TG: variants seen among roughly 807,000 people sequenced by gnomAD.
TG encodes the protein thyroid hormones.
In TG, 270 loss-of-function variants were observed where a neutral mutation model predicts 324.7. That is an observed-to-expected ratio of 0.83 (90% CI 0.75 to 0.92). The LOEUF (loss-of-function observed/expected upper bound fraction) is 0.92, where lower values mean the gene tolerates loss of function less well. TG is among the 40% of genes least tolerant of loss of function. The pLI, the probability that TG is intolerant of heterozygous loss-of-function variation, is 0.00. For missense variants in TG, 3,591 were observed against 3,456.4 expected (o/e 1.04, Z -0.98); for synonymous variants, 1,401 against 1,327.0 (o/e 1.06, Z -1.21).
chr8:133,004,292 T>C (rs1427381211), intron 35 of TG, among the ~76,000 whole-genome samples: 1 of 152,178 alleles, frequency 6.6e-6, no homozygotes, highest in Admixed American at 6.5e-5. Context: ...AGGTGCCTAC[T>C]AGCTGCTGGG....
intron 27 of TG, among the ~76,000 whole-genome samples, chr8:132,952,320 A>G (rs191400530): frequency 2.6e-5 from 4 of 152,302 alleles, no homozygotes; most frequent in Admixed American, 2.6e-4. Flanking sequence ...AATGCCTGGG[A>G]TTGAGCCTGG....
At chr8:133,055,183 G>A (rs1841146291) in intron 41 of TG, among the ~76,000 whole-genome samples, 2 of 152,150 alleles carry the variant, frequency 1.3e-5, no homozygotes, top group African/African-American at 4.8e-5. Flanking sequence ...GCAGACTCCA[G>A]GTAAGTTGTC....
In TG at chr8:133,133,558, A is replaced by G. The variant is rs1852109786; in HGVS notation, c.8086A>G (p.Asn2696Asp). ...PDFVPRAGGE[N>D]YKEFSELLPN... ...CTTTGTACCCCGTGCTGGTGGAGAG[A>G]ACTACAAGGAGTTCAGTGAGCTGCT... Residue 2696 changes from asparagine to aspartate, a missense_variant, in exon 47 of 48, where the codon AAC becomes GAC. Transcript: ENST00000220616. 1 of 1,614,162 alleles carries G rather than the reference A, an allele frequency of 6.2e-7. No homozygotes were observed. Among genetic ancestry groups the G allele is most frequent in the Middle Eastern group, 1.6e-4 (1 of 6,062 alleles).
chr8:133,134,827 A>G lies in TG; in HGVS notation c.*33A>G, dbSNP rs376416123. 6.4e-7 allele frequency: 1 copy of G among 1,568,206 alleles called. No individual in the cohort carries two copies. The highest frequency in any genetic ancestry group is 1.7e-4 in the Middle Eastern group (1 of 5,986). ...TTGAGCTCCCCAAAAACCTCACCCG[A>G]GGCTGCCCACTATGGTCATCTTTTT... is the stretch of plus-strand genomic sequence containing the variant. On this transcript the variant is annotated 3_prime_UTR_variant, in exon 48 of 48. Transcript: ENST00000220616.
At chr8:132,904,637 A>T (rs1277625199) in intron 16 of TG, among the ~76,000 whole-genome samples, 1 of 152,204 alleles carries the variant, frequency 6.6e-6, no homozygotes, top group Non-Finnish European at 1.5e-5. Flanking sequence ...TGCCCTGGCA[A>T]GAGAAGCGTC....
chr8:132,942,566 C>A (rs1445263507), intron 26 of TG, among the ~76,000 whole-genome samples: 1 of 152,152 alleles, frequency 6.6e-6, no homozygotes, highest in Non-Finnish European at 1.5e-5. Context: ...CTAGGCATTA[C>A]AAACAGATAA....
At chr8:132,939,758 C>A (rs1232598576) in intron 25 of TG, among the ~76,000 whole-genome samples, 2 of 151,898 alleles carry the variant, frequency 1.3e-5, no homozygotes, top group South Asian at 2.1e-4. Context: ...CTCACTGCAA[C>A]CTCTGCCTCC....
intron 47 of TG, 140 bp from the exon 48 acceptor site, chr8:133,134,536 G>A (rs1039722632): frequency 1.4e-5 from 11 of 785,538 alleles, no homozygotes; most frequent in Non-Finnish European, 2.2e-5. Flanking sequence ...TGGCACCTCA[G>A]CCAGTGGAAA....
chr8:132,883,481 G>C (rs2132134612), intron 8 of TG, among the ~76,000 whole-genome samples: 1 of 152,190 alleles, frequency 6.6e-6, no homozygotes, highest in East Asian at 1.9e-4. Flanking sequence ...TAGAAGGACA[G>C]AATAATAGGC....
chr8:132,959,030 G>A (rs1240568186), intron 27 of TG, among the ~76,000 whole-genome samples: 1 of 152,224 alleles, frequency 6.6e-6, no homozygotes, highest in Non-Finnish European at 1.5e-5. Context: ...GGCTATGACA[G>A]AATTTTGAGT....
intron 28 of TG, among the ~76,000 whole-genome samples, chr8:132,961,693 C>T (rs562796809): frequency 5.9e-5 from 9 of 152,088 alleles, no homozygotes; most frequent in African/African-American, 9.7e-5. Flanking sequence ...TGAAGGGTTC[C>T]GGCCTCAGGA....
chr8:132,976,680 C>T (rs1407243505), intron 34 of TG, among the ~76,000 whole-genome samples: 1 of 152,186 alleles, frequency 6.6e-6, no homozygotes, highest in Non-Finnish European at 1.5e-5. Flanking sequence ...TCCATGGCCC[C>T]TGAACAGAAA....
intron 23 of TG, among the ~76,000 whole-genome samples, chr8:132,929,437 TA>T: frequency 6.6e-6 from 1 of 152,320 alleles, no homozygotes; most frequent in South Asian, 2.1e-4. Flanking sequence ...TGAACAAAAT[TA>T]GTTTGGCATA....
intron 43 of TG, among the ~76,000 whole-genome samples, chr8:133,106,905 T>C (rs1849851807): frequency 6.6e-6 from 1 of 152,174 alleles, no homozygotes; most frequent in Non-Finnish European, 1.5e-5. Flanking sequence ...CCGAGCATAG[T>C]TGTTGAAGGG....
chr8:132,948,398 AAGC>A (rs1166187504), intron 26 of TG, among the ~76,000 whole-genome samples: 1 of 152,102 alleles, frequency 6.6e-6, no homozygotes, highest in African/African-American at 2.4e-5. Context: ...GAGGAAATTG[AAGC>A]AGCAGCAGCT....
At chr8:132,981,497 C>T (rs528588556) in intron 34 of TG, among the ~76,000 whole-genome samples, 55 of 152,302 alleles carry the variant, frequency 3.6e-4, no homozygotes, top group African/African-American at 1.3e-3. Context: ...GAAGAACAGA[C>T]ATTTTAAACA....
chr8:133,019,885 G>T (rs1359544992), intron 39 of TG, among the ~76,000 whole-genome samples, 190 bp downstream of exon 39: 3 of 152,214 alleles, frequency 2.0e-5, no homozygotes, highest in African/African-American at 4.8e-5. Flanking sequence ...AGAGCTTGTG[G>T]CTAGAACCAG....
intron 44 of TG, among the ~76,000 whole-genome samples, chr8:133,116,373 G>C (rs567508667): frequency 6.6e-6 from 1 of 152,316 alleles, no homozygotes; most frequent in Admixed American, 6.5e-5. Context: ...GCCAGTTTTC[G>C]AGCCCACCAC....
rs1313460173 is a variant in TG at position 132,967,152 on chromosome 8, T to TCCAC, written c.5686+459_5686+462dup. Among the ~76,000 whole-genome samples, 76 of 143,188 alleles carry TCCAC rather than the reference T, an allele frequency of 5.3e-4. 1 individual carries two copies. The highest frequency in any genetic ancestry group is 1.0e-3 in the Non-Finnish European group (70 of 66,918). 93.9% of individuals were successfully genotyped at this position (143,188 alleles called of 152,430 possible). A position where few individuals can be genotyped will look rare whatever the true frequency, so the allele number is the denominator to read the frequency against. On this transcript the variant is annotated intron_variant, in intron 30 of 47. Transcript: ENST00000220616. The stretch of plus-strand genomic sequence containing the variant: ...ATCCATCCATCCATCCATCCATCCA[T>TCCAC]CCACCCATCCAACCATCCATCCATC...
Sources: allele counts gnomAD v4.1 joint callset (sites outside exome capture counted in the v4.1 genomes callset), GRCh38; gene constraint gnomAD v4.1.1; transcripts MANE v1.5; gene names NCBI Gene and HGNC (gene_info 2026-07-23, HGNC 2026-07-21).